The following IFT52 variants were observed in gnomAD, a reference collection of about 807,000 sequenced individuals.
The protein encoded by IFT52 is intraflagellar transport 52.
Under a neutral mutation model 54.4 loss-of-function variants are expected in IFT52, and 44 were observed. The ratio of observed to expected loss-of-function variants is 0.81; its 90% CI spans 0.63 to 1.04. The LOEUF (loss-of-function observed/expected upper bound fraction) is 1.04. Ranked by LOEUF, IFT52 falls within the 50% of genes least tolerant of loss-of-function variation. The pLI, the probability that IFT52 is intolerant of heterozygous loss-of-function variation, is 0.00. For synonymous variants in IFT52, 181 were observed against 185.3 expected (o/e 0.98, Z 0.19); for missense variants, 452 against 523.6 (o/e 0.86, Z 1.33).
At chr20:43,616,452 T>C (rs1462641434) in intron 7 of IFT52, among the ~76,000 whole-genome samples, 1 of 146,668 alleles carries the variant, frequency 6.8e-6, no homozygotes, top group Non-Finnish European at 1.5e-5. Context: ...GAGGTTGCAG[T>C]GAGCCAAGAT....
chr20:43,608,871 G>A (rs1983191604), intron 6 of IFT52, among the ~76,000 whole-genome samples: 1 of 152,150 alleles, frequency 6.6e-6, no homozygotes, highest in African/African-American at 2.4e-5. Context: ...TTGCGCCGCT[G>A]CACTCCAGCC....
chr20:43,607,267 C>T (rs765843260), intron 6 of IFT52, among the ~76,000 whole-genome samples: 4 of 144,532 alleles, frequency 2.8e-5, no homozygotes, highest in South Asian at 2.2e-4. Flanking sequence ...GGGGGCTGAC[C>T]CCCCCACCTC....
intron 9 of IFT52, among the ~76,000 whole-genome samples, chr20:43,622,862 C>G (rs1984446573): frequency 6.7e-6 from 1 of 148,488 alleles, no homozygotes; most frequent in Non-Finnish European, 1.5e-5. Context: ...ATATATTTAA[C>G]CACTCTCCTG....
chr20:43,622,657 T>A (rs1169287344), intron 9 of IFT52, among the ~76,000 whole-genome samples: 1 of 147,220 alleles, frequency 6.8e-6, no homozygotes, highest in Non-Finnish European at 1.5e-5. Flanking sequence ...TTATATATAT[T>A]TTATATGTAA....
At chr20:43,591,318 ATC>A (rs1346714989) in intron 1 of IFT52, among the ~76,000 whole-genome samples, 1 of 152,204 alleles carries the variant, frequency 6.6e-6, no homozygotes, top group Non-Finnish European at 1.5e-5. Flanking sequence ...TACAGTCTTA[ATC>A]TCTCTTCTGT....
rs1450963434 is a variant in IFT52, at chr20:43,624,046, G to T, written c.923+1G>T. ...CCACCTCCTTCCACAGCGTCATCGA[G>T]TCAGTACCTGTGGGCCTCTGAGCCA... On this transcript the variant is annotated splice_donor_variant, in intron 10 of 13. Coordinates refer to ENST00000373030, the MANE Select transcript of IFT52 (RefSeq NM_016004.5). LOFTEE classifies it high-confidence loss of function. 1 of 1,613,968 alleles carries T rather than the reference G, an allele frequency of 6.2e-7. No individual in the cohort carries two copies. Among genetic ancestry groups the T allele is most frequent in the Non-Finnish European group, 8.5e-7 (1 of 1,179,940 alleles).
intron 10 of IFT52, among the ~76,000 whole-genome samples, chr20:43,629,116 G>C (rs1358162757): frequency 6.6e-6 from 1 of 152,196 alleles, no homozygotes; most frequent in Non-Finnish European, 1.5e-5. Context: ...GTAGTATAAA[G>C]AGGAAGGGGC....
chr20:43,620,609 T>C (rs1045168301), intron 8 of IFT52, among the ~76,000 whole-genome samples: 1 of 152,094 alleles, frequency 6.6e-6, no homozygotes, highest in African/African-American at 2.4e-5. Flanking sequence ...TGAGCCAAGA[T>C]TGCGCCACCG....
chr20:43,627,173 A>G (rs986967822), intron 10 of IFT52, among the ~76,000 whole-genome samples: 13 of 151,990 alleles, frequency 8.6e-5, no homozygotes, highest in African/African-American at 2.9e-4. Context: ...TCTCAGAAAA[A>G]AAAAAAAAGA....
At chr20:43,640,397 T>C (rs1254602769) in intron 12 of IFT52, among the ~76,000 whole-genome samples, 2 of 151,824 alleles carry the variant, frequency 1.3e-5, no homozygotes, top group Non-Finnish European at 2.9e-5. Flanking sequence ...GAGGTGGAGG[T>C]TGCAGTAAGC....
At chr20:43,618,723 A>T (rs1477715520) in intron 7 of IFT52, among the ~76,000 whole-genome samples, 1 of 152,006 alleles carries the variant, frequency 6.6e-6, no homozygotes, top group Admixed American at 6.6e-5. Flanking sequence ...ACCTCAGGTG[A>T]TCCGCCTGCC....
At chr20:43,591,871 C>T (rs1432468228) in intron 1 of IFT52, among the ~76,000 whole-genome samples, 1 of 151,848 alleles carries the variant, frequency 6.6e-6, no homozygotes, top group African/African-American at 2.4e-5. Flanking sequence ...AACCCTGTCT[C>T]TGAAAATAAA....
chr20:43,594,406 C>A (rs1981767145), intron 1 of IFT52, among the ~76,000 whole-genome samples: 1 of 152,066 alleles, frequency 6.6e-6, no homozygotes, highest in African/African-American at 2.4e-5. Flanking sequence ...GACACAAGAG[C>A]AGGGTGATGG....
chr20:43,637,332 G>A (rs939528574), intron 12 of IFT52, 79 bp downstream of exon 12: 16 of 678,816 alleles, frequency 2.4e-5, no homozygotes, highest in East Asian at 9.7e-5. Flanking sequence ...GTGCGATCTC[G>A]GCTCACTGCA....
intron 3 of IFT52, among the ~76,000 whole-genome samples, chr20:43,598,742 TTAAGATGGTAAATTTAGG>T (rs2145588688): frequency 6.6e-6 from 1 of 152,082 alleles, no homozygotes; most frequent in South Asian, 2.1e-4. Context: ...TTCAGAATGG[TTAAGATGGTAAATTTAGG>T]AAAGATTAGG....
chr20:43,593,863 C>T (rs1981720667), intron 1 of IFT52, among the ~76,000 whole-genome samples: 1 of 151,794 alleles, frequency 6.6e-6, no homozygotes, highest in Non-Finnish European at 1.5e-5. Context: ...TGCACCCAGC[C>T]CTGTGTAGCT....
chr20:43,622,743 T>C (rs1984413894), intron 9 of IFT52, among the ~76,000 whole-genome samples: 1 of 130,808 alleles, frequency 7.6e-6, no homozygotes, highest in Admixed American at 8.6e-5. Flanking sequence ...ATACATATTT[T>C]TATGTAAATA....
intron 3 of IFT52, 92 bp from the exon 4 acceptor site, chr20:43,603,668 A>G (rs1982625882): frequency 2.6e-6 from 3 of 1,139,202 alleles, no homozygotes; most frequent in Non-Finnish European, 3.8e-6. Context: ...GATTTGAAAT[A>G]TGTATTTTTC....
At chr20:43,630,939 G>A (rs546355689) in intron 10 of IFT52, among the ~76,000 whole-genome samples, 1 of 152,326 alleles carries the variant, frequency 6.6e-6, no homozygotes, top group South Asian at 2.1e-4. Context: ...CTTTGCTCCA[G>A]CACAGTCAGC....
Sources: gnomAD v4.1 joint callset for allele counts (sites outside exome capture counted in the v4.1 genomes callset) on GRCh38, gnomAD v4.1.1 for gene constraint, MANE v1.5 for transcripts, NCBI Gene and HGNC (gene_info 2026-07-23, HGNC 2026-07-21) for gene names.